GNAL: variants seen among roughly 807,000 people sequenced by gnomAD.
GNAL encodes G protein subunit alpha L.
A neutral mutation model predicts 55.1 loss-of-function variants in GNAL; 18 were observed. That is an observed-to-expected ratio of 0.33 (90% confidence interval 0.23 to 0.48). The LOEUF is 0.48. GNAL is among the 20% of genes least tolerant of loss of function. The probability of loss-of-function intolerance (pLI) is 0.99; values close to 1 mark genes in which losing one functional copy is unlikely to be tolerated. For missense variants in GNAL, 412 were observed against 614.1 expected (o/e 0.67, Z 3.48); for synonymous variants, 253 against 237.0 (o/e 1.07, Z -0.62).
chr18:11,735,650 G>A (rs1016820339), intron 1 of GNAL, among the ~76,000 whole-genome samples: 2 of 151,952 alleles, frequency 1.3e-5, no homozygotes, highest in African/African-American at 4.8e-5. Flanking sequence ...TACTTGGGAG[G>A]CTGAGTTGAG....
chr18:11,750,122 TACTC>T (rs1568008784), intron 1 of GNAL, among the ~76,000 whole-genome samples: 1 of 152,288 alleles, frequency 6.6e-6, no homozygotes, highest in Non-Finnish European at 1.5e-5. Flanking sequence ...ACAGGACAGA[TACTC>T]AGGAAACGGA....
intron 1 of GNAL, among the ~76,000 whole-genome samples, chr18:11,738,629 A>G (rs1598421077): frequency 6.6e-6 from 1 of 151,728 alleles, no homozygotes; most frequent in East Asian, 1.9e-4. Flanking sequence ...TTGTATTTTC[A>G]CTGGAAATAG....
In GNAL at chr18:11,816,832, AG is replaced by A. The variant is rs1201496064; in HGVS notation, c.625-8084del. Reference sequence around the variant, plus strand: ...CTGTCTCGAAAGAAAAAAAAAAAAAAGGAACAAACTGTTAATGTACGTAACA... The same window carrying A: ...CTGTCTCGAAAGAAAAAAAAAAAAAAGAACAAACTGTTAATGTACGTAACA... On this transcript the variant is annotated intron_variant, in intron 4 of 11. Transcript: ENST00000334049. Among the ~76,000 whole-genome samples, 36 of 145,530 alleles carry A rather than the reference AG, an allele frequency of 2.5e-4. No homozygotes were observed. The East Asian group carries it at 6.3e-3, about 25-fold the overall frequency.
In GNAL at chr18:11,821,396, G is replaced by A. The variant is rs139416259; in HGVS notation, c.625-3522G>A. 1.2e-3 allele frequency among the ~76,000 whole-genome samples: 190 copies of A among 152,312 alleles called. No homozygotes were observed. In the East Asian group the frequency reaches 0.016, roughly 13 times the overall value. Reference sequence around the variant, plus strand: ...GCTATTACCTGCTGTGTGCCCTTGGGTGGATTACTTAACTGATCTGAGCAC... The same window carrying A: ...GCTATTACCTGCTGTGTGCCCTTGGATGGATTACTTAACTGATCTGAGCAC... On this transcript the variant is annotated intron_variant, in intron 4 of 11. Transcript: ENST00000334049.
chr18:11,753,790 A>G, intron 3 of GNAL, 36 bp from the exon 4 acceptor site: 1 of 1,556,348 alleles, frequency 6.4e-7, no homozygotes, highest in Non-Finnish European at 8.9e-7. Context: ...TGGAGCCTAA[A>G]TGTTTATCCA....
chr18:11,857,983 A>C (rs143842468), intron 5 of GNAL, among the ~76,000 whole-genome samples: 13 of 152,318 alleles, frequency 8.5e-5, no homozygotes, highest in African/African-American at 2.9e-4. Flanking sequence ...CACACACAAA[A>C]AATTTTAAAT....
intron 5 of GNAL, among the ~76,000 whole-genome samples, chr18:11,836,074 G>A (rs780358398): frequency 6.6e-6 from 1 of 152,088 alleles, no homozygotes; most frequent in Admixed American, 6.6e-5. Flanking sequence ...TTTAGCCCAG[G>A]AGTCAAGGCT....
Position 11,728,185 on chromosome 18 carries a change from G to A in GNAL, c.377-24668G>A, listed in dbSNP as rs567481598. Among the ~76,000 whole-genome samples, 129 of 152,158 alleles carry A rather than the reference G, an allele frequency of 8.5e-4. 1 individual carries two copies. Among genetic ancestry groups the A allele is most frequent in the Non-Finnish European group, 1.3e-3 (90 of 68,016 alleles). ...GCTGTGATCACACCACTCCACTCCA[G>A]CCTGGGTAACAGAGTAAGACCCTAT... On this transcript the variant is annotated intron_variant, in intron 1 of 11. Transcript: ENST00000334049.
chr18:11,708,905 T>C (rs1428323973), intron 1 of GNAL, among the ~76,000 whole-genome samples: 1 of 152,252 alleles, frequency 6.6e-6, no homozygotes, highest in Admixed American at 6.5e-5. Flanking sequence ...ACTTTTTTCC[T>C]ATATTTTCGT....
intron 1 of GNAL, among the ~76,000 whole-genome samples, chr18:11,735,938 G>A (rs2032453188): frequency 6.6e-6 from 1 of 152,122 alleles, no homozygotes; most frequent in East Asian, 1.9e-4. Context: ...GGATGCCTTC[G>A]AGCCCTCCCC....
intron 5 of GNAL, among the ~76,000 whole-genome samples, chr18:11,837,874 C>T (rs764087115): frequency 1.3e-4 from 20 of 152,188 alleles, no homozygotes; most frequent in Non-Finnish European, 2.6e-4. Flanking sequence ...GGCATGGTGG[C>T]TCACACCTGT....
intron 1 of GNAL, among the ~76,000 whole-genome samples, chr18:11,742,468 G>A: frequency 6.6e-6 from 1 of 152,222 alleles, no homozygotes; most frequent in East Asian, 1.9e-4. Context: ...GAGAAGGACA[G>A]AGAATAACAA....
Position 11,884,802 on chromosome 18 carries a change from C to T in GNAL, c.*3667C>T, listed in dbSNP as rs888114637. On this transcript the variant is annotated 3_prime_UTR_variant, in exon 12 of 12. Coordinates refer to ENST00000334049, the MANE Select transcript of GNAL (RefSeq NM_182978.4). Reference sequence around the variant, plus strand: ...AGCCTTCTCCCTGCACAGCTCACCCCCGACCAGCCCAGGCTCCAGCAGGAG... The same window carrying T: ...AGCCTTCTCCCTGCACAGCTCACCCTCGACCAGCCCAGGCTCCAGCAGGAG... 87 of 1,389,486 alleles carry T rather than the reference C, an allele frequency of 6.3e-5. No homozygotes were observed. Among genetic ancestry groups the T allele is most frequent in the Non-Finnish European group, 7.9e-5 (84 of 1,062,466 alleles). 86.1% of individuals were successfully genotyped at this position (1,389,486 alleles called of 1,614,324 possible).
At chr18:11,861,963 T>TATAC (rs1555615374) in intron 5 of GNAL, among the ~76,000 whole-genome samples, 1 of 148,060 alleles carries the variant, frequency 6.8e-6, no homozygotes, top group African/African-American at 2.5e-5. Flanking sequence ...CACGCAGTCA[T>TATAC]ACACACACAC....
At chr18:11,833,899 TC>T (rs2035444247) in intron 5 of GNAL, among the ~76,000 whole-genome samples, 2 of 152,160 alleles carry the variant, frequency 1.3e-5, no homozygotes, top group African/African-American at 4.8e-5. Context: ...AGAAGACAAG[TC>T]CCCTGGTGAG....
chr18:11,700,789 T>C (rs2031547864), intron 1 of GNAL, among the ~76,000 whole-genome samples: 1 of 152,238 alleles, frequency 6.6e-6, no homozygotes, highest in Non-Finnish European at 1.5e-5. Context: ...TGGTGTGTTC[T>C]TCTGTAGTTG....
intron 4 of GNAL, among the ~76,000 whole-genome samples, chr18:11,822,098 G>A (rs1013463400): frequency 6.6e-6 from 1 of 152,232 alleles, no homozygotes; most frequent in Non-Finnish European, 1.5e-5. Context: ...CCGCAGGCGC[G>A]GGGCGAGGGC....
intron 1 of GNAL, among the ~76,000 whole-genome samples, chr18:11,696,374 G>A (rs556720193): frequency 9.2e-5 from 14 of 151,976 alleles, no homozygotes; most frequent in Admixed American, 3.9e-4. Context: ...GCATGGTGGC[G>A]GGCACCTGTA....
chr18:11,740,934 A>T (rs2032562677), intron 1 of GNAL, among the ~76,000 whole-genome samples: 1 of 152,240 alleles, frequency 6.6e-6, no homozygotes. Flanking sequence ...CTTCTCTGAG[A>T]AAGGCTCATA....
Sources: gnomAD v4.1 joint callset for allele counts (sites outside exome capture counted in the v4.1 genomes callset) on GRCh38, gnomAD v4.1.1 for gene constraint, MANE v1.5 for transcripts, NCBI Gene and HGNC (gene_info 2026-07-23, HGNC 2026-07-21) for gene names.